USP34: variants seen among roughly 807,000 people sequenced by gnomAD.
USP34 encodes ubiquitin specific peptidase 34.
USP34 carries 70 observed loss-of-function variants against 460.3 expected under a neutral mutation model. The ratio of observed to expected loss-of-function variants is 0.15; its 90% CI spans 0.13 to 0.19. USP34 has a LOEUF of 0.19. USP34 is among the 10% of genes least tolerant of loss of function. The probability of loss-of-function intolerance (pLI) is 1.00; values close to 1 mark genes in which losing one functional copy is unlikely to be tolerated. For missense variants in USP34, 3,985 were observed against 4,236.2 expected, an observed-to-expected ratio of 0.94 and a Z score of 1.65; for synonymous variants, 1,647 against 1,405.3, an observed-to-expected ratio of 1.17 and a Z score of -3.85.
chr2:61,462,674 A>G (rs1181312698), intron 1 of USP34, among the ~76,000 whole-genome samples: 1 of 152,008 alleles, frequency 6.6e-6, no homozygotes, highest in Non-Finnish European at 1.5e-5. Context: ...CAGCCTGACC[A>G]ACATGGCGAA....
intron 21 of USP34, among the ~76,000 whole-genome samples, chr2:61,324,997 GA>G (rs1691041889): frequency 6.6e-6 from 1 of 152,120 alleles, no homozygotes; most frequent in Non-Finnish European, 1.5e-5. Context: ...CTCAGAAACA[GA>G]AAACCAAATA....
chr2:61,354,291 T>C lies in USP34; in HGVS notation c.1252-3598A>G, dbSNP rs185619699. Among the ~76,000 whole-genome samples the C allele has an allele frequency of 7.7e-4, 117 of 152,302 alleles. 1 individual carries two copies. The highest frequency in any genetic ancestry group is 2.5e-3 in the African/African-American group (104 of 41,562). ...CACATATAAGAGATCCTCGATAAGA[T>C]TATCAGCGAATTTCTCATCCAAAAC... is the stretch of plus-strand genomic sequence containing the variant. On this transcript the variant is annotated intron_variant, in intron 10 of 79. Coordinates refer to ENST00000398571, the MANE Select transcript of USP34 (RefSeq NM_014709.4).
intron 1 of USP34, among the ~76,000 whole-genome samples, chr2:61,423,501 GT>G (rs1487469331): frequency 3.3e-5 from 5 of 152,132 alleles, no homozygotes; most frequent in African/African-American, 1.2e-4. Context: ...GAAAAGACTT[GT>G]TAACAATGAA....
At chr2:61,279,929 T>C (rs1050586683) in intron 39 of USP34, among the ~76,000 whole-genome samples, 9 of 152,222 alleles carry the variant, frequency 5.9e-5, no homozygotes, top group Admixed American at 6.5e-5. Flanking sequence ...CATGCTATTA[T>C]AGAAAGCTGT....
chr2:61,264,115 C>T (rs912070819), intron 43 of USP34, among the ~76,000 whole-genome samples: 1 of 152,092 alleles, frequency 6.6e-6, no homozygotes, highest in African/African-American at 2.4e-5. Context: ...CAAATTTATT[C>T]AGAAATATTT....
chr2:61,233,620 G>T (rs1687978732), intron 57 of USP34, among the ~76,000 whole-genome samples: 1 of 152,072 alleles, frequency 6.6e-6, no homozygotes, highest in African/African-American at 2.4e-5. Flanking sequence ...GAAGCCTGGA[G>T]TTTGAGACCA....
At position 61,311,527 on chromosome 2, in the gene USP34, T is replaced by C. The variant is rs1316606139; in HGVS notation, c.3817+13A>G. 7.6e-7 allele frequency: 1 copy of C among 1,324,146 alleles called. No individual in the cohort carries two copies. Among genetic ancestry groups the C allele is most frequent in the Non-Finnish European group, 9.9e-7 (1 of 1,010,012 alleles). The allele number at this position is 1,324,146 out of a possible 1,614,324, so 82.0% of individuals were successfully genotyped here. A position where few individuals can be genotyped will look rare whatever the true frequency, so the allele number is the denominator to read the frequency against. ...GAGAAAGAGAAAGAGAAAATTTGAA[T>C]TGAAAGGCTTACCAGGAAACTCTCC... On this transcript the variant is annotated intron_variant, in intron 27 of 79. Transcript: ENST00000398571.
At chr2:61,378,734 C>A (rs184689527) in intron 7 of USP34, among the ~76,000 whole-genome samples, 8 of 151,910 alleles carry the variant, frequency 5.3e-5, no homozygotes, top group Admixed American at 5.2e-4. Flanking sequence ...CAGTAAATCT[C>A]CATCTCTATT....
At chr2:61,337,451 G>GTTAT (rs756749524) in intron 18 of USP34, among the ~76,000 whole-genome samples, 38 of 151,136 alleles carry the variant, frequency 2.5e-4, no homozygotes, top group Admixed American at 7.9e-4. Flanking sequence ...GTTATGTTAT[G>GTTAT]TTATTTATTT....
intron 19 of USP34, among the ~76,000 whole-genome samples, chr2:61,332,588 G>A (rs756331190): frequency 2.0e-5 from 3 of 151,846 alleles, no homozygotes; most frequent in Non-Finnish European, 2.9e-5. Context: ...ACACCTGCTC[G>A]CCCGTGTTAG....
chr2:61,205,473 G>T (rs937333364), intron 72 of USP34, among the ~76,000 whole-genome samples: 5 of 152,026 alleles, frequency 3.3e-5, no homozygotes, highest in African/African-American at 1.2e-4. Context: ...GCTATTTTGA[G>T]AAAGTGTAAA....
chr2:61,300,464 G>A (rs1475943739), intron 29 of USP34, among the ~76,000 whole-genome samples: 3 of 150,484 alleles, frequency 2.0e-5, no homozygotes, highest in Non-Finnish European at 4.4e-5. Context: ...TGGGATCACA[G>A]GCGTGAGCCA....
chr2:61,204,172 C>T lies in USP34; in HGVS notation c.9384+84G>A, dbSNP rs1055875633. On this transcript the variant is annotated intron_variant, in intron 74 of 79. Coordinates refer to ENST00000398571, the MANE Select transcript of USP34 (RefSeq NM_014709.4). ...GATCCACAAAATTGGTCACTTAAGTCTAACCTATTCATAACTGCCAGGGGA... is the reference window on the plus strand; with the variant it reads ...GATCCACAAAATTGGTCACTTAAGTTTAACCTATTCATAACTGCCAGGGGA... The T allele has an allele frequency of 9.5e-6, 15 of 1,574,646 alleles. No homozygotes were observed. In the African/African-American group the frequency reaches 2.0e-4, roughly 21 times the overall value.
At chr2:61,203,529 C>T (rs931604704) in intron 74 of USP34, among the ~76,000 whole-genome samples, 3 of 152,066 alleles carry the variant, frequency 2.0e-5, no homozygotes, top group African/African-American at 7.2e-5. Flanking sequence ...AAATGTGACA[C>T]TTTAGCTCTA....
At chr2:61,234,115 T>C (rs906508413) in intron 57 of USP34, among the ~76,000 whole-genome samples, 2 of 152,208 alleles carry the variant, frequency 1.3e-5, no homozygotes, top group Non-Finnish European at 2.9e-5. Flanking sequence ...CTTTCTACTT[T>C]TGTCCATGTT....
In USP34 at chr2:61,395,195, G is replaced by A. The variant is rs1248520389; in HGVS notation, c.591C>T (p.Phe197=). The change falls in exon 4 of 80, where the codon TTC becomes TTT. Residue 197 remains phenylalanine, a synonymous_variant. Transcript: ENST00000398571. The part of the protein sequence containing the change: ...STQESNILGA[F]CDMNDVEVPL... ...GGTAAACACTTACATTCATATCACA[G>A]AATGCCCCTAATATGTTACTTTCTT... is the stretch of plus-strand genomic sequence containing the variant. 3 of 1,498,612 alleles carry A rather than the reference G, an allele frequency of 2.0e-6. No homozygotes were observed. Among genetic ancestry groups the A allele is most frequent in the Non-Finnish European group, 2.7e-6 (3 of 1,097,494 alleles). 92.8% of individuals were successfully genotyped at this position (1,498,612 alleles called of 1,614,324 possible). A position where few individuals can be genotyped will look rare whatever the true frequency, so the allele number is the denominator to read the frequency against.
intron 1 of USP34, among the ~76,000 whole-genome samples, chr2:61,433,862 C>T (rs2104004030): frequency 6.6e-6 from 1 of 152,260 alleles, no homozygotes; most frequent in East Asian, 1.9e-4. Context: ...GTAGCCACTG[C>T]ACCTCTGCAG....
At chr2:61,253,660 A>AT (rs1467787521) in intron 48 of USP34, among the ~76,000 whole-genome samples, 1 of 151,544 alleles carries the variant, frequency 6.6e-6, no homozygotes, top group African/African-American at 2.4e-5. Flanking sequence ...ACATGCTCAG[A>AT]TATCTTTCAT....
chr2:61,468,232 C>A (rs776826393), intron 1 of USP34, among the ~76,000 whole-genome samples: 46 of 152,350 alleles, frequency 3.0e-4, no homozygotes, highest in Non-Finnish European at 5.0e-4. Flanking sequence ...GTTGCCCAGG[C>A]TGGAGTGCAA....
Sources: gnomAD v4.1 joint callset for allele counts (sites outside exome capture counted in the v4.1 genomes callset) on GRCh38, gnomAD v4.1.1 for gene constraint, MANE v1.5 for transcripts, NCBI Gene and HGNC (gene_info 2026-07-23, HGNC 2026-07-21) for gene names.